The following NBEA variants were observed in gnomAD, a reference collection of about 807,000 sequenced individuals.
NBEA encodes the protein neurobeachin.
In NBEA, 44 loss-of-function variants were observed where a neutral mutation model predicts 343.4. That is an observed-to-expected ratio of 0.13 (90% CI 0.10 to 0.16). NBEA has a LOEUF of 0.16. NBEA is among the 10% of genes least tolerant of loss of function. NBEA has a pLI of 1.00. For missense variants in NBEA, 2,555 were observed against 3,631.3 expected, an observed-to-expected ratio of 0.70 and a Z score of 7.62; for synonymous variants, 1,175 against 1,238.7, an observed-to-expected ratio of 0.95 and a Z score of 1.08.
chr13:35,386,074 A>C (rs973258433), intron 38 of NBEA, among the ~76,000 whole-genome samples: 7 of 152,140 alleles, frequency 4.6e-5, no homozygotes, highest in Admixed American at 1.3e-4. Context: ...GTTTATAAAT[A>C]GATAAAATAA....
At chr13:35,474,943 T>G (rs9565317) in intron 41 of NBEA, 379,474 of 1,187,942 alleles carry the variant, frequency 0.32, 62,362 homozygotes, top group East Asian at 0.51. Flanking sequence ...ATTATTCCTT[T>G]TTAAAGGAAG....
intron 38 of NBEA, among the ~76,000 whole-genome samples, chr13:35,415,506 C>A (rs1353907236): frequency 1.3e-5 from 2 of 152,184 alleles, no homozygotes; most frequent in Non-Finnish European, 2.9e-5. Flanking sequence ...TTCCCCATTT[C>A]TTGTTTTTGT....
intron 33 of NBEA, among the ~76,000 whole-genome samples, chr13:35,221,617 G>GA (rs1430814926): frequency 2.6e-5 from 4 of 151,842 alleles, no homozygotes; most frequent in Admixed American, 2.6e-4. Flanking sequence ...TTTTCTTCCA[G>GA]AAAAAAATGT....
chr13:35,274,515 G>A (rs1489504917), intron 34 of NBEA, among the ~76,000 whole-genome samples: 3 of 152,124 alleles, frequency 2.0e-5, no homozygotes, highest in Admixed American at 6.5e-5. Flanking sequence ...TCTGGCCAGG[G>A]CAATCAGGCA....
intron 35 of NBEA, among the ~76,000 whole-genome samples, chr13:35,300,475 C>A (rs2152825527): frequency 6.6e-6 from 1 of 152,210 alleles, no homozygotes; most frequent in South Asian, 2.1e-4. Context: ...TAAAATACTA[C>A]AAATATAAAT....
intron 6 of NBEA, among the ~76,000 whole-genome samples, chr13:35,053,720 A>G (rs17051831): frequency 0.096 from 14,625 of 152,176 alleles, 812 homozygotes; most frequent in South Asian, 0.16. Context: ...TAGCATAAAC[A>G]AACCTCATCA....
At chr13:35,210,554 ATTATT>A (rs1216628610) in intron 32 of NBEA, among the ~76,000 whole-genome samples, 1 of 152,158 alleles carries the variant, frequency 6.6e-6, no homozygotes, top group African/African-American at 2.4e-5. Flanking sequence ...GGGAAGACTC[ATTATT>A]TTAAGACCAG....
chr13:35,185,919 GAT>G (rs900237911), intron 30 of NBEA: 7 of 152,030 alleles, frequency 4.6e-5, no homozygotes, highest in African/African-American at 1.7e-4. Context: ...AACGGGGAAA[GAT>G]ATTTTTTCAT....
chr13:35,084,186 G>A (rs1289373039), intron 10 of NBEA, among the ~76,000 whole-genome samples: 2 of 151,970 alleles, frequency 1.3e-5, no homozygotes, highest in Admixed American at 6.6e-5. Flanking sequence ...AAGTTAACAA[G>A]GATATCCAGG....
intron 37 of NBEA, among the ~76,000 whole-genome samples, chr13:35,351,856 C>G (rs952432897): frequency 2.6e-5 from 4 of 151,938 alleles, no homozygotes; most frequent in Admixed American, 2.6e-4. Context: ...AGTAGGTTTA[C>G]ATTTATAGTA....
At chr13:35,058,916 G>A in intron 8 of NBEA, 53 bp downstream of exon 8, 1 of 1,413,390 alleles carries the variant, frequency 7.1e-7, no homozygotes, top group East Asian at 2.5e-5. Context: ...GATGTAAAAT[G>A]TGGTGTAATA....
intron 38 of NBEA, among the ~76,000 whole-genome samples, chr13:35,388,863 T>C (rs17815294): frequency 0.035 from 5,319 of 152,316 alleles, 137 homozygotes; most frequent in Non-Finnish European, 0.053. Flanking sequence ...CTCATAATTC[T>C]ATTTATTCCC....
chr13:35,455,252 C>A (rs930633822), intron 40 of NBEA, among the ~76,000 whole-genome samples: 1 of 152,002 alleles, frequency 6.6e-6, no homozygotes, highest in Non-Finnish European at 1.5e-5. Flanking sequence ...AGCAGATATG[C>A]AGTATAATTT....
At chr13:35,185,995 A>G (rs952355376) in intron 30 of NBEA, 8 of 152,156 alleles carry the variant, frequency 5.3e-5, no homozygotes, top group African/African-American at 9.7e-5. Flanking sequence ...TTTCTGTGAT[A>G]TGTTTCACAA....
chr13:35,433,516 A>G (rs544510941), intron 39 of NBEA, among the ~76,000 whole-genome samples: 4 of 152,192 alleles, frequency 2.6e-5, no homozygotes, highest in African/African-American at 9.6e-5. Context: ...GGGAAGTAAT[A>G]AAAAGACAAA....
intron 40 of NBEA, among the ~76,000 whole-genome samples, chr13:35,469,099 C>CAAAAAAAAAAAAAAAAAAAA (rs34222156): frequency 1.2e-5 from 1 of 85,024 alleles, no homozygotes; most frequent in Non-Finnish European, 2.1e-5. Flanking sequence ...GACTCTATCT[C>CAAAAAAAAAAAAAAAAAAAA]AAAAAAAAAA....
intron 38 of NBEA, among the ~76,000 whole-genome samples, chr13:35,380,598 T>A (rs924997604): frequency 5.9e-5 from 9 of 152,324 alleles, no homozygotes; most frequent in African/African-American, 2.2e-4. Context: ...TTGAGACTGA[T>A]AAAGAATTTG....
chr13:35,203,224 G>A (rs2073139547), intron 31 of NBEA, among the ~76,000 whole-genome samples: 1 of 152,074 alleles, frequency 6.6e-6, no homozygotes, highest in South Asian at 2.1e-4. Context: ...TGGACTACAA[G>A]GCCCTGTGAA....
Position 35,050,365 on chromosome 13 carries a change from T to C in NBEA, c.942T>C (p.His314=). The change falls in exon 6 of 59, where the codon CAT becomes CAC. Residue 314 remains histidine (H), a synonymous_variant. Coordinates refer to ENST00000379939, the MANE Select transcript of NBEA (RefSeq NM_001385012.1). ...SLKSKGKGFQ[H]CVKYDFQPRK... ...AGTCCAAAGGAAAAGGTTTTCAGCATTGTGTGAAATATGATTTTCAACCAC... is the reference window on the plus strand; with the variant it reads ...AGTCCAAAGGAAAAGGTTTTCAGCACTGTGTGAAATATGATTTTCAACCAC... 1.9e-6 allele frequency: 3 copies of C among 1,608,750 alleles called. No individual in the cohort carries two copies. The highest frequency in any genetic ancestry group is 2.5e-6 in the Non-Finnish European group (3 of 1,177,816).
Sources: allele counts gnomAD v4.1 joint callset (sites outside exome capture counted in the v4.1 genomes callset), GRCh38; gene constraint gnomAD v4.1.1; transcripts MANE v1.5; gene names NCBI Gene and HGNC (gene_info 2026-07-23, HGNC 2026-07-21).